Variants in CDH8 observed in about 807,000 individuals in gnomAD.
CDH8 encodes cadherin-8.
In CDH8, 17 loss-of-function variants were observed where a neutral mutation model predicts 68.1. The ratio of observed to expected loss-of-function variants is 0.25; its 90% confidence interval spans 0.17 to 0.37. The LOEUF (loss-of-function observed/expected upper bound fraction) is 0.37. CDH8 is among the 10% of genes least tolerant of loss of function. The pLI is 1.00. For missense variants in CDH8, 763 were observed against 999.3 expected (o/e 0.76, Z 3.19); for synonymous variants, 372 against 365.1 (o/e 1.02, Z -0.21).
chr16:61,980,397 TTAATTC>T (rs1291937967), intron 2 of CDH8, among the ~76,000 whole-genome samples: 13 of 152,312 alleles, frequency 8.5e-5, no homozygotes, highest in African/African-American at 3.1e-4. Flanking sequence ...GCAAGTTACT[TTAATTC>T]TAATCACCTC....
intron 2 of CDH8, among the ~76,000 whole-genome samples, chr16:61,984,271 C>T (rs1305972260): frequency 6.6e-6 from 1 of 152,152 alleles, no homozygotes; most frequent in Non-Finnish European, 1.5e-5. Flanking sequence ...CCTCATTAAA[C>T]CTAATTAATT....
chr16:61,714,154 G>A, intron 9 of CDH8, 196 bp from the exon 10 acceptor site: 2 of 548,504 alleles, frequency 3.6e-6, no homozygotes, highest in South Asian at 2.3e-5. Flanking sequence ...GCTTTGATAA[G>A]TTGATGAAAA....
intron 7 of CDH8, among the ~76,000 whole-genome samples, chr16:61,812,617 A>G (rs1204335118): frequency 1.3e-5 from 2 of 152,230 alleles, no homozygotes; most frequent in African/African-American, 4.8e-5. Flanking sequence ...GCAGATTTAC[A>G]TGAAAGAACT....
chr16:61,874,078 C>G (rs572264102), intron 3 of CDH8, among the ~76,000 whole-genome samples: 1 of 151,932 alleles, frequency 6.6e-6, no homozygotes, highest in Non-Finnish European at 1.5e-5. Context: ...ACAGACAAAA[C>G]TCTATGATGT....
chr16:61,673,588 A>T (rs925870172), intron 10 of CDH8, among the ~76,000 whole-genome samples: 2 of 152,180 alleles, frequency 1.3e-5, no homozygotes, highest in African/African-American at 4.8e-5. Context: ...CAATAAGTAT[A>T]ACTCATGCAT....
intron 2 of CDH8, among the ~76,000 whole-genome samples, chr16:61,977,118 A>G (rs1263605796): frequency 1.3e-5 from 2 of 152,162 alleles, no homozygotes; most frequent in Non-Finnish European, 2.9e-5. Flanking sequence ...GGGATTAAGA[A>G]AAGTCCCTTT....
chr16:61,967,717 A>C (rs1197383672), intron 2 of CDH8, among the ~76,000 whole-genome samples: 1 of 152,180 alleles, frequency 6.6e-6, no homozygotes, highest in Non-Finnish European at 1.5e-5. Flanking sequence ...AAAGTTTCAG[A>C]TTTTGAAGGC....
chr16:61,985,808 A>C (rs1467439476), intron 2 of CDH8, among the ~76,000 whole-genome samples: 2 of 151,540 alleles, frequency 1.3e-5, no homozygotes, highest in African/African-American at 4.8e-5. Flanking sequence ...AAAACATTGA[A>C]GCAATAATGT....
At chr16:61,784,901 C>CA (rs1188677901) in intron 8 of CDH8, among the ~76,000 whole-genome samples, 2 of 152,116 alleles carry the variant, frequency 1.3e-5, no homozygotes, top group Non-Finnish European at 2.9e-5. Flanking sequence ...AGAACAAAGA[C>CA]ACAACATACC....
intron 9 of CDH8, among the ~76,000 whole-genome samples, chr16:61,724,139 A>G (rs1959274273): frequency 6.6e-6 from 1 of 150,744 alleles, no homozygotes; most frequent in African/African-American, 2.4e-5. Flanking sequence ...GGTTATGGTT[A>G]CACTTTTGAG....
intron 8 of CDH8, among the ~76,000 whole-genome samples, chr16:61,749,057 T>A (rs1419647121): frequency 6.6e-6 from 1 of 152,088 alleles, no homozygotes; most frequent in Admixed American, 6.6e-5. Flanking sequence ...AGGCTTACAA[T>A]ATTGAGGTAA....
intron 8 of CDH8, among the ~76,000 whole-genome samples, chr16:61,778,516 G>A (rs915211673): frequency 1.3e-5 from 2 of 152,014 alleles, no homozygotes; most frequent in Non-Finnish European, 2.9e-5. Flanking sequence ...CAGGGTAACA[G>A]ACAAAAAATT....
At chr16:61,931,280 C>T (rs1274456578) in intron 2 of CDH8, among the ~76,000 whole-genome samples, 2 of 152,138 alleles carry the variant, frequency 1.3e-5, no homozygotes, top group Non-Finnish European at 2.9e-5. Context: ...CCTCCCACCT[C>T]AGCCTTCCGA....
chr16:61,734,650 C>G (rs942165474), intron 8 of CDH8, among the ~76,000 whole-genome samples: 12 of 152,082 alleles, frequency 7.9e-5, no homozygotes, highest in African/African-American at 2.9e-4. Context: ...CCTTCTCTCT[C>G]TCTCTCTGTC....
intron 3 of CDH8, among the ~76,000 whole-genome samples, chr16:61,893,170 C>A (rs1324897590): frequency 1.3e-5 from 2 of 152,092 alleles, no homozygotes; most frequent in African/African-American, 4.8e-5. Flanking sequence ...CAGCAAAACT[C>A]CAATCTCTGC....
At chr16:62,002,846 A>G (rs921213415) in intron 2 of CDH8, among the ~76,000 whole-genome samples, 19 of 152,030 alleles carry the variant, frequency 1.2e-4, no homozygotes, top group East Asian at 3.9e-4. Context: ...GAGGTCAGGA[A>G]ATCAAGACCA....
intron 1 of CDH8, among the ~76,000 whole-genome samples, chr16:62,024,841 T>C (rs1021097588): frequency 3.9e-5 from 6 of 152,220 alleles, no homozygotes; most frequent in African/African-American, 1.4e-4. Flanking sequence ...ACCTAAGTAA[T>C]GTAATTTCAA....
chr16:61,849,087 T>C (rs563893909), intron 4 of CDH8, among the ~76,000 whole-genome samples: 1 of 152,196 alleles, frequency 6.6e-6, no homozygotes, highest in East Asian at 1.9e-4. Flanking sequence ...CCTACAATTT[T>C]TGTTGTAATA....
At chr16:61,662,337 C>G (rs746415861) in intron 10 of CDH8, among the ~76,000 whole-genome samples, 17 of 151,576 alleles carry the variant, frequency 1.1e-4, no homozygotes, top group Non-Finnish European at 2.1e-4. Flanking sequence ...GTTTTTATTG[C>G]ATTTGTTTTA....
Sources: allele counts gnomAD v4.1 joint callset (sites outside exome capture counted in the v4.1 genomes callset), GRCh38; gene constraint gnomAD v4.1.1; transcripts MANE v1.5; gene names NCBI Gene and HGNC (gene_info 2026-07-23, HGNC 2026-07-21).